Variants in SLCO1C1 observed in about 807,000 individuals in gnomAD.
SLCO1C1 encodes the protein solute carrier organic anion transporter family member 1C1.
In SLCO1C1, 70 loss-of-function variants were observed where a neutral mutation model predicts 76.4. The observed-to-expected ratio is 0.92, with a 90% CI of 0.76 to 1.12. The LOEUF is 1.12. Ranked by LOEUF, SLCO1C1 falls within the 50% of genes most tolerant of loss-of-function variation. The pLI is 0.00. For synonymous variants in SLCO1C1, 306 were observed against 286.1 expected (o/e 1.07, Z -0.70); for missense variants, 912 against 823.8 (o/e 1.11, Z -1.31).
At chr12:20,729,803 G>A (rs1011749884) in intron 9 of SLCO1C1, among the ~76,000 whole-genome samples, 2 of 151,986 alleles carry the variant, frequency 1.3e-5, no homozygotes, top group East Asian at 3.9e-4. Flanking sequence ...GAGGGTAGAG[G>A]TTTTTATCAG....
At chr12:20,699,961 T>C (rs1946445204) in intron 2 of SLCO1C1, 1 of 302,678 alleles carries the variant, frequency 3.3e-6, no homozygotes, top group Non-Finnish European at 6.0e-6. Context: ...CTAGTATTTA[T>C]TGAACTTCTG....
intron 5 of SLCO1C1, 126 bp downstream of exon 5, chr12:20,711,636 A>G: frequency 1.1e-6 from 1 of 922,800 alleles, no homozygotes; most frequent in Non-Finnish European, 1.6e-6. Flanking sequence ...TTGAGATATC[A>G]CAGTACCATA....
chr12:20,741,642 G>A (rs1321977150), intron 12 of SLCO1C1, among the ~76,000 whole-genome samples: 2 of 151,898 alleles, frequency 1.3e-5, no homozygotes, highest in Non-Finnish European at 2.9e-5. Flanking sequence ...AACACAATTT[G>A]TGCTCGAATT....
At chr12:20,698,628 C>CTAACATTATTCCTTTAGGAA (rs1230567160) in intron 1 of SLCO1C1, among the ~76,000 whole-genome samples, 28 of 152,144 alleles carry the variant, frequency 1.8e-4, no homozygotes, top group African/African-American at 6.5e-4. Context: ...AATTTGACTC[C>CTAACATTATTCCTTTAGGAA]TAACATTATT....
rs986478479 is a variant in SLCO1C1, at chr12:20,752,336, G to A, written c.1947G>A (p.Leu649=). The A allele has an allele frequency of 4.4e-6, 7 of 1,608,394 alleles. No homozygotes were observed. In the African/African-American group the frequency reaches 6.7e-5, roughly 15 times the overall value. ...RHIYLGLTVI[L]GTVSILLSIA... ...TATATCTGGGACTAACTGTGATACT[G>A]GGCACAGTGTCAATTCTCCTAAGCA... Residue 649 remains leucine (L), a synonymous_variant, in exon 15 of 15, where the codon CTG becomes CTA. Coordinates refer to ENST00000266509, the MANE Select transcript of SLCO1C1 (RefSeq NM_017435.5).
At chr12:20,719,503 G>A (rs985544379) in intron 7 of SLCO1C1, among the ~76,000 whole-genome samples, 5 of 152,158 alleles carry the variant, frequency 3.3e-5, no homozygotes, top group Non-Finnish European at 7.3e-5. Flanking sequence ...AGTTACCCAA[G>A]TTGTGAATGT....
At position 20,752,527 on chromosome 12, in the gene SLCO1C1, A is replaced by G; in HGVS notation, c.2138A>G (p.Ter713TrpextTer13). Reference sequence around the variant, plus strand: ...TGGCCAGGCAAGGAAACTCAACTTTAGAAACATGATGACTGGAAGTCATGT... The same window carrying G: ...TGGCCAGGCAAGGAAACTCAACTTTGGAAACATGATGACTGGAAGTCATGT... ...NYWPGKETQL[*>W] The change falls in exon 15 of 15, where the codon TAG becomes TGG. Residue 713 changes from the stop codon to tryptophan, a stop_lost. Coordinates refer to ENST00000266509, the MANE Select transcript of SLCO1C1 (RefSeq NM_017435.5). 2.5e-6 allele frequency: 4 copies of G among 1,581,016 alleles called. No individual in the cohort carries two copies. Among genetic ancestry groups the G allele is most frequent in the Non-Finnish European group, 3.4e-6 (4 of 1,163,666 alleles).
At chr12:20,719,426 T>C (rs564709184) in intron 7 of SLCO1C1, among the ~76,000 whole-genome samples, 1 of 152,182 alleles carries the variant, frequency 6.6e-6, no homozygotes, top group African/African-American at 2.4e-5. Flanking sequence ...CTAGAAAAGA[T>C]TAGGCTTAAT....
chr12:20,723,305 C>G, intron 9 of SLCO1C1, 51 bp downstream of exon 9: 3 of 1,562,652 alleles, frequency 1.9e-6, no homozygotes, highest in Non-Finnish European at 2.6e-6. Flanking sequence ...CTTAGAGGTA[C>G]CTGATTAACT....
In SLCO1C1 at chr12:20,732,452, G is replaced by GAT. The variant is rs1306979925; in HGVS notation, c.1187-455_1187-454dup. The stretch of plus-strand genomic sequence containing the variant: ...GGTGGTGATTGTTGTTATTAGGAAG[G>GAT]ATACCACACTCAAAGCTAGCAAGCT... On this transcript the variant is annotated intron_variant, in intron 9 of 14. Transcript: ENST00000266509. Among the ~76,000 whole-genome samples the GAT allele has an allele frequency of 3.3e-5, 5 of 152,276 alleles. No homozygotes were observed. In the East Asian group the frequency reaches 9.7e-4, roughly 29 times the overall value.
At chr12:20,729,166 GA>G (rs1250318585) in intron 9 of SLCO1C1, among the ~76,000 whole-genome samples, 1 of 152,150 alleles carries the variant, frequency 6.6e-6, no homozygotes, top group African/African-American at 2.4e-5. Context: ...CCTGGGGAGG[GA>G]AGAAACACAT....
In SLCO1C1 at chr12:20,750,935, T is replaced by C. The variant is rs1162443548; in HGVS notation, c.1916+143T>C. The C allele has an allele frequency of 6.3e-6, 9 of 1,423,242 alleles. No individual in the cohort carries two copies. The South Asian group carries it at 8.7e-5, about 14-fold the overall frequency. 88.2% of individuals were successfully genotyped at this position (1,423,242 alleles called of 1,614,324 possible). A position where few individuals can be genotyped will look rare whatever the true frequency, so the allele number is the denominator to read the frequency against. ...AATCAAAAAGTGTGATCTGTAGTCATAGAATAATTATATTATTATTTGATT... is the reference window on the plus strand; with the variant it reads ...AATCAAAAAGTGTGATCTGTAGTCACAGAATAATTATATTATTATTTGATT... On this transcript the variant is annotated intron_variant, in intron 14 of 14. Transcript: ENST00000266509.
intron 1 of SLCO1C1, chr12:20,696,889 A>G (rs148713016): frequency 6.6e-6 from 1 of 152,210 alleles, no homozygotes; most frequent in Non-Finnish European, 1.5e-5. Flanking sequence ...CGCATTAACC[A>G]TCAAGACACT....
At chr12:20,716,452 T>G (rs1163849109) in intron 6 of SLCO1C1, among the ~76,000 whole-genome samples, 1 of 152,166 alleles carries the variant, frequency 6.6e-6, no homozygotes, top group Non-Finnish European at 1.5e-5. Flanking sequence ...CATGAATATG[T>G]GTGTTTTAAG....
intron 7 of SLCO1C1, among the ~76,000 whole-genome samples, chr12:20,721,145 C>T (rs916035144): frequency 7.9e-5 from 12 of 151,806 alleles, no homozygotes; most frequent in African/African-American, 2.9e-4. Context: ...TAGTAAATTA[C>T]ATAAACTTAG....
chr12:20,704,488 T>A lies in SLCO1C1; in HGVS notation c.272-1461T>A, dbSNP rs559610871. Among the ~76,000 whole-genome samples, 6 of 151,948 alleles carry A rather than the reference T, an allele frequency of 3.9e-5. No homozygotes were observed. The East Asian group carries it at 1.2e-3, about 29-fold the overall frequency. On this transcript the variant is annotated intron_variant, in intron 3 of 14. Coordinates refer to ENST00000266509, the MANE Select transcript of SLCO1C1 (RefSeq NM_017435.5). ...ATTATCAAAATAATATGATACACAATGTCTTCTACTAAATACTTAAATTTC... is the reference window on the plus strand; with the variant it reads ...ATTATCAAAATAATATGATACACAAAGTCTTCTACTAAATACTTAAATTTC...
At chr12:20,729,420 G>A (rs753620049) in intron 9 of SLCO1C1, among the ~76,000 whole-genome samples, 3 of 152,098 alleles carry the variant, frequency 2.0e-5, no homozygotes, top group African/African-American at 4.8e-5. Flanking sequence ...GAAAGAACAT[G>A]GGATTCAATT....
chr12:20,741,397 A>G (rs1466231843), intron 12 of SLCO1C1, among the ~76,000 whole-genome samples: 1 of 152,180 alleles, frequency 6.6e-6, no homozygotes, highest in Non-Finnish European at 1.5e-5. Context: ...TTTAAATAGT[A>G]ACTGAATATT....
In SLCO1C1 at chr12:20,701,306, CAT is replaced by C; in HGVS notation, c.130-9_130-8del. ...TGGAGTCAGACTAAGTGTGACCTGT[CAT>C]ATTTTCCAGGTGTTCTTGTGTGCCT... On this transcript the variant is annotated splice_polypyrimidine_tract_variant and intron_variant, in intron 2 of 14. Coordinates refer to ENST00000266509, the MANE Select transcript of SLCO1C1 (RefSeq NM_017435.5). 1 of 1,487,314 alleles carries C rather than the reference CAT, an allele frequency of 6.7e-7. No individual in the cohort carries two copies. Among genetic ancestry groups the C allele is most frequent in the Non-Finnish European group, 9.1e-7 (1 of 1,100,466 alleles). The allele number at this position is 1,487,314 out of a possible 1,614,324, so 92.1% of individuals were successfully genotyped here. A position where few individuals can be genotyped will look rare whatever the true frequency, so the allele number is the denominator to read the frequency against.
Sources: gnomAD v4.1 joint callset for allele counts (sites outside exome capture counted in the v4.1 genomes callset) on GRCh38, gnomAD v4.1.1 for gene constraint, MANE v1.5 for transcripts, NCBI Gene and HGNC (gene_info 2026-07-23, HGNC 2026-07-21) for gene names.